The following PHF14 variants were observed in gnomAD, a reference collection of about 807,000 sequenced individuals.
The protein encoded by PHF14 is PHD finger protein 14.
Under a neutral mutation model 117.9 loss-of-function variants are expected in PHF14, and 55 were observed. The ratio of observed to expected loss-of-function variants is 0.47; its 90% CI spans 0.38 to 0.58. PHF14 has a LOEUF of 0.58. Among genes scored for constraint, PHF14 ranks in the 20% least tolerant of loss-of-function variants. The pLI, the probability that PHF14 is intolerant of heterozygous loss-of-function variation, is 0.00. For synonymous variants in PHF14, 409 were observed against 368.6 expected, an observed-to-expected ratio of 1.11 and a Z score of -1.26; for missense variants, 978 against 1,122.2, an observed-to-expected ratio of 0.87 and a Z score of 1.84.
At chr7:11,051,212 C>CTT (rs549494772) in intron 13 of PHF14, among the ~76,000 whole-genome samples, 1 of 145,136 alleles carries the variant, frequency 6.9e-6, no homozygotes. Context: ...AGTTAATTTT[C>CTT]TTTTTTTTTT....
chr7:11,035,507 A>T (rs111284731), intron 7 of PHF14, 133 bp from the exon 8 acceptor site: 7 of 480,294 alleles, frequency 1.5e-5, no homozygotes, highest in African/African-American at 1.2e-4. Context: ...TACAAAAATT[A>T]TTTTTGTAAT....
chr7:11,061,266 A>G (rs535643382), intron 14 of PHF14: 2 of 152,334 alleles, frequency 1.3e-5, no homozygotes, highest in African/African-American at 2.4e-5. Flanking sequence ...TGGCATTTTA[A>G]TTAGTTTTAT....
chr7:11,116,544 C>A (rs944396105), intron 17 of PHF14, among the ~76,000 whole-genome samples: 1 of 151,964 alleles, frequency 6.6e-6, no homozygotes, highest in South Asian at 2.1e-4. Context: ...AGAAAACTGG[C>A]TCCCATTTTC....
intron 16 of PHF14, chr7:11,071,231 A>G: frequency 1.9e-6 from 1 of 518,232 alleles, no homozygotes; most frequent in South Asian, 1.4e-5. Flanking sequence ...CTAGTACACT[A>G]GCTCTGATAT....
At chr7:10,990,466 G>A (rs1362161002) in intron 3 of PHF14, among the ~76,000 whole-genome samples, 4 of 152,162 alleles carry the variant, frequency 2.6e-5, no homozygotes, top group African/African-American at 7.2e-5. Flanking sequence ...GAGAGAATAC[G>A]AAGCTTGCAG....
At chr7:11,064,451 A>G (rs919060205) in intron 16 of PHF14, among the ~76,000 whole-genome samples, 8 of 151,892 alleles carry the variant, frequency 5.3e-5, no homozygotes, top group African/African-American at 1.9e-4. Flanking sequence ...ACATACGTGT[A>G]TGTCTGTTAG....
intron 5 of PHF14, among the ~76,000 whole-genome samples, chr7:11,021,168 T>C (rs190854205): frequency 1.3e-5 from 2 of 152,344 alleles, no homozygotes; most frequent in Admixed American, 6.5e-5. Flanking sequence ...TGTTAATAGT[T>C]TGTGCTAGGA....
Position 11,005,627 on chromosome 7 carries a change from G to A in PHF14, c.1046-8120G>A, listed in dbSNP as rs1351677276. On this transcript the variant is annotated intron_variant, in intron 4 of 17. Coordinates refer to ENST00000634607, the MANE Select transcript of PHF14 (RefSeq NM_001007157.2). ...TGTAATTCTTCTCATGTCAGTGTAT[G>A]TGGGATATTTCATTCTTTTTAATGA... Among the ~76,000 whole-genome samples the A allele has an allele frequency of 2.6e-5, 4 of 152,160 alleles. No individual in the cohort carries two copies. In the East Asian group the frequency reaches 7.7e-4, roughly 29 times the overall value.
At position 11,060,973 on chromosome 7, in the gene PHF14, T is replaced by C. The variant is rs140433841; in HGVS notation, c.2482-818T>C. 6.7e-4 allele frequency among the ~76,000 whole-genome samples: 102 copies of C among 152,222 alleles called. 1 individual carries two copies. Among genetic ancestry groups the C allele is most frequent in the African/African-American group, 2.4e-3 (99 of 41,548 alleles). ...ATATTTATACTATAATGTAATTCTG[T>C]TTAGAATTATTTGGTACCTACTCTA... On this transcript the variant is annotated intron_variant, in intron 14 of 17. Transcript: ENST00000634607.
At chr7:11,129,438 G>A (rs1036121982) in intron 17 of PHF14, among the ~76,000 whole-genome samples, 1 of 151,698 alleles carries the variant, frequency 6.6e-6, no homozygotes, top group Non-Finnish European at 1.5e-5. Context: ...AATAGACACA[G>A]TTTTAAATTA....
At chr7:11,010,286 T>C (rs1783301472) in intron 4 of PHF14, among the ~76,000 whole-genome samples, 1 of 152,182 alleles carries the variant, frequency 6.6e-6, no homozygotes, top group Non-Finnish European at 1.5e-5. Context: ...AGAATAAAAT[T>C]ATATTTCCTT....
chr7:11,035,592 T>C (rs777199402), intron 7 of PHF14, 48 bp from the exon 8 acceptor site: 2 of 1,323,092 alleles, frequency 1.5e-6, no homozygotes, highest in Non-Finnish European at 2.1e-6. Context: ...CTTTTATGAC[T>C]CTTGGGAGTA....
intron 6 of PHF14, among the ~76,000 whole-genome samples, chr7:11,028,409 A>G (rs778962971): frequency 5.9e-5 from 9 of 152,314 alleles, no homozygotes; most frequent in African/African-American, 1.7e-4. Context: ...AGTGACTGGC[A>G]CATAGTAAGT....
chr7:11,008,067 A>G lies in PHF14; in HGVS notation c.1046-5680A>G, dbSNP rs199671035. Among the ~76,000 whole-genome samples the G allele has an allele frequency of 4.2e-5, 6 of 142,374 alleles. No individual in the cohort carries two copies. In the East Asian group the frequency reaches 1.4e-3, roughly 34 times the overall value. The allele number at this position is 142,374 out of a possible 152,430, so 93.4% of individuals were successfully genotyped here. A position where few individuals can be genotyped will look rare whatever the true frequency, so the allele number is the denominator to read the frequency against. ...GATATCCTGATTGTAGTGTGTCTGAATTCAGGAGAATGTCAGGTATATGTT... is the reference window on the plus strand; with the variant it reads ...GATATCCTGATTGTAGTGTGTCTGAGTTCAGGAGAATGTCAGGTATATGTT... On this transcript the variant is annotated intron_variant, in intron 4 of 17. Coordinates refer to ENST00000634607, the MANE Select transcript of PHF14 (RefSeq NM_001007157.2).
intron 4 of PHF14, among the ~76,000 whole-genome samples, chr7:11,009,381 T>C (rs1047330613): frequency 6.6e-6 from 1 of 152,348 alleles, no homozygotes; most frequent in East Asian, 1.9e-4. Context: ...TTTTATTTTC[T>C]TAAATATGAG....
At chr7:11,122,412 C>G (rs904195929) in intron 17 of PHF14, among the ~76,000 whole-genome samples, 1 of 119,584 alleles carries the variant, frequency 8.4e-6, no homozygotes, top group African/African-American at 3.2e-5. Context: ...TATATATACA[C>G]GTATATATAT....
intron 16 of PHF14, among the ~76,000 whole-genome samples, chr7:11,072,554 G>A (rs1466579174): frequency 6.6e-6 from 1 of 152,146 alleles, no homozygotes; most frequent in Non-Finnish European, 1.5e-5. Context: ...TCCATAGATT[G>A]TCTGGATGAT....
intron 14 of PHF14, among the ~76,000 whole-genome samples, chr7:11,059,977 C>A (rs1320286178): frequency 6.6e-6 from 1 of 152,118 alleles, no homozygotes; most frequent in Non-Finnish European, 1.5e-5. Flanking sequence ...CTCAAGTTAT[C>A]TTCCCACCAC....
intron 6 of PHF14, among the ~76,000 whole-genome samples, chr7:11,024,739 A>G (rs182223438): frequency 6.6e-6 from 1 of 152,316 alleles, no homozygotes; most frequent in East Asian, 1.9e-4. Flanking sequence ...ATTCCTTTCA[A>G]AAGATTACTG....
Sources: gnomAD v4.1 joint callset for allele counts (sites outside exome capture counted in the v4.1 genomes callset) on GRCh38, gnomAD v4.1.1 for gene constraint, MANE v1.5 for transcripts, NCBI Gene and HGNC (gene_info 2026-07-23, HGNC 2026-07-21) for gene names.